PTPRM: variants seen among roughly 807,000 people sequenced by gnomAD.
The protein encoded by PTPRM is receptor-type tyrosine-protein phosphatase mu.
Under a neutral mutation model 186.7 loss-of-function variants are expected in PTPRM, and 47 were observed. The observed-to-expected ratio is 0.25, with a 90% CI of 0.20 to 0.32. PTPRM has a LOEUF of 0.32. PTPRM is among the 10% of genes least tolerant of loss of function. The probability of loss-of-function intolerance (pLI) is 1.00; values close to 1 mark genes in which losing one functional copy is unlikely to be tolerated. For synonymous variants in PTPRM, 668 were observed against 674.9 expected, an observed-to-expected ratio of 0.99 and a Z score of 0.16; for missense variants, 1,494 against 1,865.0, an observed-to-expected ratio of 0.80 and a Z score of 3.66.
Position 7,949,284 on chromosome 18 carries a change from G to T in PTPRM, c.767G>T (p.Gly256Val), listed in dbSNP as rs2052773962. 1.9e-5 allele frequency: 31 copies of T among 1,614,140 alleles called. No individual in the cohort carries two copies. Among genetic ancestry groups the T allele is most frequent in the Non-Finnish European group, 2.6e-5 (31 of 1,179,974 alleles). The change falls in exon 6 of 33, where the codon GGA (glycine) becomes GTA (valine). Residue 256 changes from glycine (G) to valine (V), a missense_variant. Physicochemically the swap from Gly to Val is moderately radical, Grantham distance 109. Around this residue, in one of 3 missense-constraint regions of PTPRM, gnomAD observed 296 missense variants for 345.5 expected, o/e 0.86. Transcript: ENST00000580170. Reference protein sequence around the residue: ...NVVNTTKRDAGKYRCMIRTEG... With the variant: ...NVVNTTKRDAVKYRCMIRTEG... ...GTGAATACCACCAAACGAGATGCTG[G>T]AAAGTACCGCTGCATGATTCGCACT...
At chr18:8,135,752 A>G (rs1451941807) in intron 13 of PTPRM, among the ~76,000 whole-genome samples, 2 of 152,210 alleles carry the variant, frequency 1.3e-5, no homozygotes, top group African/African-American at 4.8e-5. Context: ...CAATTCTAAA[A>G]GGCCATCTTT....
chr18:8,226,027 A>G (rs1200435095), intron 14 of PTPRM, among the ~76,000 whole-genome samples: 1 of 152,216 alleles, frequency 6.6e-6, no homozygotes, highest in Non-Finnish European at 1.5e-5. Context: ...ATTTGAAAAG[A>G]TGTGAAACCT....
chr18:7,962,782 T>G (rs2053765221), intron 7 of PTPRM, among the ~76,000 whole-genome samples: 1 of 152,250 alleles, frequency 6.6e-6, no homozygotes, highest in Non-Finnish European at 1.5e-5. Flanking sequence ...TGCCAAAACC[T>G]GATGTATTTT....
intron 14 of PTPRM, among the ~76,000 whole-genome samples, chr18:8,234,181 G>A (rs1192910402): frequency 1.3e-5 from 2 of 152,122 alleles, no homozygotes; most frequent in African/African-American, 4.8e-5. Flanking sequence ...GGATTGCACT[G>A]AATCTATAGA....
rs78375181 is a variant in PTPRM, at chr18:8,140,736, T to C, written c.2168-2911T>C. 3.3e-3 allele frequency among the ~76,000 whole-genome samples: 495 copies of C among 152,190 alleles called. 3 individuals are homozygous for C. The highest frequency in any genetic ancestry group is 0.011 in the African/African-American group (466 of 41,500). On this transcript the variant is annotated intron_variant, in intron 13 of 32. Coordinates refer to ENST00000580170, the MANE Select transcript of PTPRM (RefSeq NM_001105244.2). ...AATGGACACATGCAAGTTTATTCTC[T>C]TCAAAAGGAACTAAATGCACACTGC...
intron 2 of PTPRM, among the ~76,000 whole-genome samples, chr18:7,887,185 C>A (rs2048832137): frequency 6.6e-6 from 1 of 152,078 alleles, no homozygotes; most frequent in African/African-American, 2.4e-5. Flanking sequence ...CTATGATAGC[C>A]TATTTTCCCT....
intron 14 of PTPRM, among the ~76,000 whole-genome samples, chr18:8,196,595 T>C (rs1448927527): frequency 2.0e-5 from 3 of 152,248 alleles, no homozygotes; most frequent in Non-Finnish European, 4.4e-5. Context: ...ACACTCATTT[T>C]AGCTGGCTTT....
intron 2 of PTPRM, among the ~76,000 whole-genome samples, chr18:7,883,915 A>G (rs1409959642): frequency 6.6e-6 from 1 of 152,162 alleles, no homozygotes; most frequent in Non-Finnish European, 1.5e-5. Flanking sequence ...GTGAGGCAGG[A>G]AGATTGCTTT....
In PTPRM at chr18:8,406,359, C is replaced by A. The variant is rs1487066957; in HGVS notation, c.*197C>A. On this transcript the variant is annotated 3_prime_UTR_variant, in exon 33 of 33. Transcript: ENST00000580170. ...CAGTAATGCTGCTGCCTGACAGAAA[C>A]ACACACACAGCCACAGTTGCCAAAT... 1 of 554,806 alleles carries A rather than the reference C, an allele frequency of 1.8e-6. No homozygotes were observed. Among genetic ancestry groups the A allele is most frequent in the Admixed American group, 3.3e-5 (1 of 29,972 alleles). 34.4% of individuals were successfully genotyped at this position (554,806 alleles called of 1,614,324 possible).
At chr18:8,156,055 G>A (rs1285138656) in intron 14 of PTPRM, among the ~76,000 whole-genome samples, 4 of 152,150 alleles carry the variant, frequency 2.6e-5, no homozygotes, top group Admixed American at 2.0e-4. Context: ...AACATGTATG[G>A]ATGTTTTATC....
intron 1 of PTPRM, among the ~76,000 whole-genome samples, chr18:7,597,966 C>T (rs186858306): frequency 8.5e-5 from 13 of 152,166 alleles, no homozygotes; most frequent in African/African-American, 2.4e-4. Context: ...AATAGTGCAG[C>T]GTTCCAGGCC....
intron 7 of PTPRM, among the ~76,000 whole-genome samples, chr18:8,056,512 C>T (rs750735216): frequency 1.3e-5 from 2 of 151,978 alleles, no homozygotes; most frequent in Non-Finnish European, 2.9e-5. Context: ...TTCCCTGCTA[C>T]TCAGGAGGCT....
intron 7 of PTPRM, among the ~76,000 whole-genome samples, chr18:8,006,120 G>T (rs1279534774): frequency 6.6e-6 from 1 of 152,196 alleles, no homozygotes; most frequent in Non-Finnish European, 1.5e-5. Context: ...TGTTAAGCCT[G>T]CTGCCTGTCA....
intron 1 of PTPRM, among the ~76,000 whole-genome samples, chr18:7,705,411 A>G (rs2040064942): frequency 6.7e-6 from 1 of 149,690 alleles, no homozygotes; most frequent in Non-Finnish European, 1.5e-5. Flanking sequence ...TTCTCTTTCA[A>G]AGTTTTAATG....
At chr18:7,931,323 A>ATG (rs2051470966) in intron 5 of PTPRM, among the ~76,000 whole-genome samples, 1 of 150,514 alleles carries the variant, frequency 6.6e-6, no homozygotes, top group Non-Finnish European at 1.5e-5. Flanking sequence ...TACTGTGTGT[A>ATG]TGTGTGTGTA....
intron 14 of PTPRM, among the ~76,000 whole-genome samples, chr18:8,157,986 G>A (rs1471305850): frequency 6.6e-6 from 1 of 152,174 alleles, no homozygotes; most frequent in African/African-American, 2.4e-5. Flanking sequence ...ACCTTCCACA[G>A]TTGCAGGAGG....
intron 1 of PTPRM, among the ~76,000 whole-genome samples, chr18:7,714,007 C>A (rs1237571194): frequency 6.6e-6 from 1 of 152,178 alleles, no homozygotes; most frequent in Non-Finnish European, 1.5e-5. Context: ...GAACTTAGCT[C>A]TGCACCAAGT....
intron 22 of PTPRM, among the ~76,000 whole-genome samples, chr18:8,330,213 G>T (rs565112327): frequency 6.6e-6 from 1 of 152,274 alleles, no homozygotes; most frequent in East Asian, 1.9e-4. Flanking sequence ...TGGGCACCAG[G>T]TTTCTTTTTC....
At chr18:8,358,055 A>C (rs2095573022) in intron 23 of PTPRM, among the ~76,000 whole-genome samples, 1 of 152,158 alleles carries the variant, frequency 6.6e-6, no homozygotes, top group Non-Finnish European at 1.5e-5. Context: ...TGTAAACTTT[A>C]TTCTGATAGT....
Sources: gnomAD v4.1 joint callset for allele counts (sites outside exome capture counted in the v4.1 genomes callset) on GRCh38, gnomAD v4.1.1 for gene constraint, gnomAD v4.1.1 regional missense constraint, MANE v1.5 for transcripts, NCBI Gene and HGNC (gene_info 2026-07-23, HGNC 2026-07-21) for gene names.